Variants in BPIFC observed in about 807,000 individuals in gnomAD.
BPIFC encodes the protein BPI fold-containing family C protein.
Under a neutral mutation model 57.6 loss-of-function variants are expected in BPIFC, and 60 were observed. The observed-to-expected ratio is 1.04, with a 90% CI of 0.85 to 1.29. The LOEUF (loss-of-function observed/expected upper bound fraction) is 1.29, where lower values mean the gene tolerates loss of function less well. BPIFC is among the 50% of genes most tolerant of loss of function. BPIFC has a pLI of 0.00. For missense variants in BPIFC, 581 were observed against 600.5 expected (o/e 0.97, Z 0.34); for synonymous variants, 243 against 224.5 (o/e 1.08, Z -0.74).
chr22:32,460,401 A>G (rs1935136816), intron 2 of BPIFC, among the ~76,000 whole-genome samples: 1 of 152,192 alleles, frequency 6.6e-6, no homozygotes. Flanking sequence ...TGCTCAGATT[A>G]GTGAATGCTT....
chr22:32,428,647 C>T (rs1934140123), intron 13 of BPIFC, among the ~76,000 whole-genome samples: 1 of 152,080 alleles, frequency 6.6e-6, no homozygotes, highest in African/African-American at 2.4e-5. Context: ...GCCTGTAATC[C>T]CAGCACTTTG....
intron 1 of BPIFC, among the ~76,000 whole-genome samples, chr22:32,463,368 G>A (rs1935202493): frequency 6.6e-6 from 1 of 152,136 alleles, no homozygotes; most frequent in African/African-American, 2.4e-5. Flanking sequence ...TGTTGCTTCT[G>A]GGGAATTGCT....
rs140158422 is a variant in BPIFC, at chr22:32,442,008, G to A, written c.655+663C>T. On this transcript the variant is annotated intron_variant, in intron 8 of 16. Coordinates refer to ENST00000300399, the MANE Select transcript of BPIFC (RefSeq NM_174932.3). ...TCTGACAGGAGGCAGAGCTCAGGCA[G>A]TAATGCTCAGTCGCCTGCCCACTGT... Among the ~76,000 whole-genome samples the A allele has an allele frequency of 2.3e-3, 350 of 152,340 alleles. 1 individual carries two copies. Among genetic ancestry groups the A allele is most frequent in the African/African-American group, 7.6e-3 (318 of 41,586 alleles).
intron 9 of BPIFC, among the ~76,000 whole-genome samples, chr22:32,436,822 T>C (rs1379959222): frequency 6.6e-6 from 1 of 152,232 alleles, no homozygotes; most frequent in Non-Finnish European, 1.5e-5. Context: ...GGCATTTTTG[T>C]AGCATTTCTA....
intron 8 of BPIFC, 114 bp from the exon 9 acceptor site, chr22:32,437,965 A>T (rs975240109): frequency 6.6e-6 from 4 of 601,980 alleles, no homozygotes; most frequent in Non-Finnish European, 1.1e-5. Flanking sequence ...TAAAAGATCA[A>T]TTCCTGCTTT....
Position 32,414,219 on chromosome 22 carries a change from T to C in BPIFC, c.*84A>G. The C allele has an allele frequency of 6.6e-7, 1 of 1,524,168 alleles. No individual in the cohort carries two copies. Among genetic ancestry groups the C allele is most frequent in the South Asian group, 1.3e-5 (1 of 78,852 alleles). 94.4% of individuals were successfully genotyped at this position (1,524,168 alleles called of 1,614,324 possible). On this transcript the variant is annotated 3_prime_UTR_variant, in exon 17 of 17. Transcript: ENST00000300399. Reference sequence around the variant, plus strand: ...ATTCACAAGGGCTTTACAATTCCAGTGTGTACTGTCTTTCCCTTCTGGGTT... The same window carrying C: ...ATTCACAAGGGCTTTACAATTCCAGCGTGTACTGTCTTTCCCTTCTGGGTT...
At chr22:32,450,709 G>A (rs1934873338) in intron 4 of BPIFC, among the ~76,000 whole-genome samples, 1 of 151,940 alleles carries the variant, frequency 6.6e-6, no homozygotes, top group Non-Finnish European at 1.5e-5. Context: ...TATATGTTTA[G>A]CATCCCAAAT....
intron 13 of BPIFC, among the ~76,000 whole-genome samples, 168 bp downstream of exon 13, chr22:32,431,179 T>G (rs1401888642): frequency 6.6e-6 from 1 of 151,334 alleles, no homozygotes; most frequent in East Asian, 1.9e-4. Flanking sequence ...AGTGGTGTGA[T>G]CTTGGCTTAC....
At chr22:32,446,635 AGAAT>A (rs1312921174) in intron 5 of BPIFC, 6 of 494,548 alleles carry the variant, frequency 1.2e-5, no homozygotes, top group African/African-American at 2.1e-5. Context: ...ACTTAGTGGA[AGAAT>A]GAATGTGTTA....
intron 13 of BPIFC, among the ~76,000 whole-genome samples, chr22:32,424,625 C>T (rs1406839020): frequency 0.017 from 965 of 56,812 alleles, 187 homozygotes; most frequent in East Asian, 0.096. Flanking sequence ...CCTCCTCCTC[C>T]TCCTCTTCTT....
rs190941077 is a variant in BPIFC, at chr22:32,443,755, T to A, written c.595-1024A>T. Among the ~76,000 whole-genome samples the A allele has an allele frequency of 2.6e-5, 4 of 152,316 alleles. No homozygotes were observed. The East Asian group carries it at 7.7e-4, about 29-fold the overall frequency. On this transcript the variant is annotated intron_variant, in intron 7 of 16. Coordinates refer to ENST00000300399, the MANE Select transcript of BPIFC (RefSeq NM_174932.3). Reference sequence around the variant, plus strand: ...TCTCAGTTTCCACATCTGCAACATTTGCATGGGGATGATAATTGTGTCCAC... The same window carrying A: ...TCTCAGTTTCCACATCTGCAACATTAGCATGGGGATGATAATTGTGTCCAC...
chr22:32,443,162 C>CTTTTTT (rs57447537), intron 7 of BPIFC, among the ~76,000 whole-genome samples: 1 of 133,852 alleles, frequency 7.5e-6, no homozygotes, highest in Non-Finnish European at 1.6e-5. Context: ...AGAGCTGGAG[C>CTTTTTT]TTTTTTTTTT....
intron 4 of BPIFC, among the ~76,000 whole-genome samples, chr22:32,451,909 T>G (rs1289584913): frequency 2.0e-5 from 3 of 152,098 alleles, no homozygotes; most frequent in Non-Finnish European, 4.4e-5. Context: ...CCCCTATTGC[T>G]TTCTCTTTTT....
At chr22:32,416,867 A>G (rs1569445714) in intron 15 of BPIFC, among the ~76,000 whole-genome samples, 1 of 152,226 alleles carries the variant, frequency 6.6e-6, no homozygotes, top group South Asian at 2.1e-4. Flanking sequence ...GTTTGCAAAT[A>G]GAATTGCTAA....
At chr22:32,429,039 AGATGCAAAGCTATTTTCCTCTTCCG>A (rs908774403) in intron 13 of BPIFC, among the ~76,000 whole-genome samples, 24 of 152,266 alleles carry the variant, frequency 1.6e-4, no homozygotes, top group African/African-American at 3.4e-4. Flanking sequence ...TTCCTTGTCC[AGATGCAAAGCTATTTTCCTCTTCCG>A]GATGCAAAGC....
At chr22:32,428,396 AG>A (rs1934134088) in intron 13 of BPIFC, among the ~76,000 whole-genome samples, 1 of 151,744 alleles carries the variant, frequency 6.6e-6, no homozygotes, top group Non-Finnish European at 1.5e-5. Flanking sequence ...GGCCTCCCAA[AG>A]TGCTGGGATT....
At chr22:32,444,239 G>A (rs17770589) in intron 7 of BPIFC, among the ~76,000 whole-genome samples, 1 of 152,102 alleles carries the variant, frequency 6.6e-6, no homozygotes, top group Non-Finnish European at 1.5e-5. Flanking sequence ...AGTGCACTTT[G>A]CCAGGGACTC....
chr22:32,424,097 A>T (rs1322005225), intron 13 of BPIFC, among the ~76,000 whole-genome samples: 1 of 152,030 alleles, frequency 6.6e-6, no homozygotes, highest in Non-Finnish European at 1.5e-5. Flanking sequence ...CTATATGCTG[A>T]CTGTTGTGCT....
At chr22:32,423,801 G>T (rs1806727537) in intron 13 of BPIFC, among the ~76,000 whole-genome samples, 1 of 152,112 alleles carries the variant, frequency 6.6e-6, no homozygotes, top group Non-Finnish European at 1.5e-5. Context: ...GACCAAAAAA[G>T]GGAAAGTGTC....
Sources: gnomAD v4.1 joint callset for allele counts (sites outside exome capture counted in the v4.1 genomes callset) on GRCh38, gnomAD v4.1.1 for gene constraint, MANE v1.5 for transcripts, NCBI Gene and HGNC (gene_info 2026-07-23, HGNC 2026-07-21) for gene names.